PCSK2: variants seen among roughly 807,000 people sequenced by gnomAD.
The protein encoded by PCSK2 is proprotein convertase subtilisin/kexin type 2.
Under a neutral mutation model 69.7 loss-of-function variants are expected in PCSK2, and 14 were observed. The observed-to-expected ratio is 0.20, with a 90% confidence interval of 0.13 to 0.31. PCSK2 has a LOEUF of 0.31. Among genes scored for constraint, PCSK2 ranks in the 10% least tolerant of loss-of-function variants. The pLI, the probability that PCSK2 is intolerant of heterozygous loss-of-function variation, is 1.00. For synonymous variants in PCSK2, 307 were observed against 320.7 expected (o/e 0.96, Z 0.46); for missense variants, 544 against 842.5 (o/e 0.65, Z 4.39).
intron 2 of PCSK2, among the ~76,000 whole-genome samples, chr20:17,334,114 A>G (rs941795843): frequency 1.2e-4 from 18 of 151,644 alleles, no homozygotes; most frequent in Non-Finnish European, 1.5e-5. Context: ...GCCTGGAATC[A>G]TTTCTCCCAG....
chr20:17,405,041 G>C (rs1017744436), intron 5 of PCSK2, among the ~76,000 whole-genome samples: 1 of 152,206 alleles, frequency 6.6e-6, no homozygotes, highest in East Asian at 1.9e-4. Flanking sequence ...GACACAACAG[G>C]AGAAGTCAGG....
chr20:17,347,800 G>GAAAA (rs1568611944), intron 2 of PCSK2, among the ~76,000 whole-genome samples: 1 of 68,820 alleles, frequency 1.5e-5, no homozygotes, highest in East Asian at 3.2e-4. Context: ...AAGAAAGAAA[G>GAAAA]AAAGAAAGAA....
At chr20:17,282,498 C>A (rs907183247) in intron 2 of PCSK2, among the ~76,000 whole-genome samples, 2 of 152,208 alleles carry the variant, frequency 1.3e-5, no homozygotes, top group Admixed American at 6.5e-5. Flanking sequence ...GACAAGCTTA[C>A]TCAAGCAAAG....
At chr20:17,257,952 A>C (rs868305226) in intron 1 of PCSK2, among the ~76,000 whole-genome samples, 1 of 152,170 alleles carries the variant, frequency 6.6e-6, no homozygotes, top group South Asian at 2.1e-4. Context: ...CTACTTCAGG[A>C]AATTGCAACC....
chr20:17,298,199 G>A (rs1988959944), intron 2 of PCSK2, among the ~76,000 whole-genome samples: 1 of 152,066 alleles, frequency 6.6e-6, no homozygotes, highest in African/African-American at 2.4e-5. Context: ...CTAAATTTTA[G>A]CACACTGTTA....
intron 9 of PCSK2, among the ~76,000 whole-genome samples, chr20:17,455,855 G>A (rs2032910167): frequency 6.6e-6 from 1 of 152,228 alleles, no homozygotes. Context: ...GGGCTACTAG[G>A]AAGCTCAGAT....
intron 4 of PCSK2, among the ~76,000 whole-genome samples, chr20:17,362,527 G>A (rs942539446): frequency 5.9e-5 from 9 of 152,176 alleles, no homozygotes; most frequent in African/African-American, 2.2e-4. Flanking sequence ...AGGCTGAAAA[G>A]GCTCAGCCTC....
intron 7 of PCSK2, among the ~76,000 whole-genome samples, 153 bp from the exon 8 acceptor site, chr20:17,436,555 C>T (rs1191506094): frequency 6.6e-6 from 1 of 152,220 alleles, no homozygotes; most frequent in Non-Finnish European, 1.5e-5. Context: ...ACCGTCTGTG[C>T]CTCTTTCTTG....
At chr20:17,369,305 AAC>A (rs761627798) in intron 5 of PCSK2, 28 bp downstream of exon 5, 1 of 1,598,508 alleles carries the variant, frequency 6.3e-7, no homozygotes, top group Non-Finnish European at 8.6e-7. Context: ...TTGGTGGGGA[AAC>A]AGATGCATCT....
At chr20:17,474,449 T>A (rs2123416513) in intron 11 of PCSK2, among the ~76,000 whole-genome samples, 1 of 152,310 alleles carries the variant, frequency 6.6e-6, no homozygotes, top group Non-Finnish European at 1.5e-5. Context: ...GCATGGAATA[T>A]GTCTTTCAGT....
intron 5 of PCSK2, among the ~76,000 whole-genome samples, chr20:17,384,634 A>C (rs146381259): frequency 1.5e-3 from 229 of 151,632 alleles, no homozygotes; most frequent in Middle Eastern, 0.01. Context: ...AGTCTTAAAA[A>C]TTAAAATATT....
At chr20:17,317,690 A>T (rs12480782) in intron 2 of PCSK2, among the ~76,000 whole-genome samples, 28 of 152,262 alleles carry the variant, frequency 1.8e-4, no homozygotes, top group East Asian at 1.7e-3. Flanking sequence ...ATTGCCAGAC[A>T]GTTTTTGAAA....
At chr20:17,251,203 T>C (rs1390115470) in intron 1 of PCSK2, among the ~76,000 whole-genome samples, 1 of 152,230 alleles carries the variant, frequency 6.6e-6, no homozygotes, top group Non-Finnish European at 1.5e-5. Context: ...AGAAAGTTTT[T>C]GGAAAGCAAA....
chr20:17,253,448 GA>G, intron 1 of PCSK2, among the ~76,000 whole-genome samples: 1 of 152,206 alleles, frequency 6.6e-6, no homozygotes, highest in Non-Finnish European at 1.5e-5. Flanking sequence ...TTCATATAAA[GA>G]AGTGATACAA....
At chr20:17,289,991 G>T (rs1302884317) in intron 2 of PCSK2, among the ~76,000 whole-genome samples, 1 of 152,158 alleles carries the variant, frequency 6.6e-6, no homozygotes, top group Non-Finnish European at 1.5e-5. Context: ...TCATCAGTTT[G>T]CTCATTGTTT....
chr20:17,248,788 T>C (rs779390497), intron 1 of PCSK2, among the ~76,000 whole-genome samples: 7 of 152,302 alleles, frequency 4.6e-5, no homozygotes, highest in Non-Finnish European at 1.0e-4. Context: ...AACCTGGCTG[T>C]CCTTGAGTCC....
At chr20:17,303,547 G>GT (rs1989223205) in intron 2 of PCSK2, among the ~76,000 whole-genome samples, 2 of 32,330 alleles carry the variant, frequency 6.2e-5, no homozygotes, top group African/African-American at 9.6e-5. Context: ...TATATAATAT[G>GT]ATATAATATA....
At chr20:17,293,016 G>T (rs1238130539) in intron 2 of PCSK2, among the ~76,000 whole-genome samples, 1 of 152,082 alleles carries the variant, frequency 6.6e-6, no homozygotes, top group Non-Finnish European at 1.5e-5. Context: ...GTAGAGACAA[G>T]GTTTCACCAT....
intron 1 of PCSK2, among the ~76,000 whole-genome samples, chr20:17,240,508 CTGAAAGACATTGGCATCT>C (rs1402893817): frequency 2.6e-5 from 4 of 152,108 alleles, no homozygotes; most frequent in Non-Finnish European, 5.9e-5. Flanking sequence ...AGAGCGGTGC[CTGAAAGACATTGGCATCT>C]GTATGTACTC....
Sources: allele counts gnomAD v4.1 joint callset (sites outside exome capture counted in the v4.1 genomes callset), GRCh38; gene constraint gnomAD v4.1.1; transcripts MANE v1.5; gene names NCBI Gene and HGNC (gene_info 2026-07-23, HGNC 2026-07-21).